Variants in OR3A2 observed in about 807,000 individuals in gnomAD.
OR3A2 encodes the protein olfactory receptor family 3 subfamily A member 2, also known as olfactory receptor 3A2.
For missense variants in OR3A2, 318 were observed against 392.8 expected (o/e 0.81, Z 1.61); for synonymous variants, 126 against 159.3 (o/e 0.79, Z 1.57).
At chr17:3,382,553 T>C (rs925580447) in intron 2 of OR3A2, among the ~76,000 whole-genome samples, 1 of 152,208 alleles carries the variant, frequency 6.6e-6, no homozygotes, top group Non-Finnish European at 1.5e-5. Flanking sequence ...AAACCCAACA[T>C]TTCTCTGCTA....
At chr17:3,352,798 T>G (rs2049431209) in intron 2 of OR3A2, among the ~76,000 whole-genome samples, 1 of 151,976 alleles carries the variant, frequency 6.6e-6, no homozygotes, top group Non-Finnish European at 1.5e-5. Context: ...TCATTGGTAT[T>G]TTGATAAGGA....
intron 3 of OR3A2, among the ~76,000 whole-genome samples, chr17:3,325,560 G>T (rs574672496): frequency 1.3e-5 from 2 of 151,988 alleles, no homozygotes; most frequent in African/African-American, 4.8e-5. Context: ...AATGTATATA[G>T]ATATATATAC....
At chr17:3,381,540 T>C (rs979546894) in intron 2 of OR3A2, among the ~76,000 whole-genome samples, 1 of 152,208 alleles carries the variant, frequency 6.6e-6, no homozygotes, top group Middle Eastern at 3.4e-3. Context: ...TATCTCCCCA[T>C]CGCCTGAAGT....
At chr17:3,278,833 C>T in exon 2 of OR3A2, 1 of 1,535,290 alleles carries the variant, frequency 6.5e-7, no homozygotes, top group Non-Finnish European at 8.8e-7. Context: ...ACAAAGACAA[C>T]TGGCTGCATC....
rs181721138 is a variant in OR3A2 at position 3,309,453 on chromosome 17, G to C, written c.-85+26580C>G. Among the ~76,000 whole-genome samples, 4 of 152,246 alleles carry C rather than the reference G, an allele frequency of 2.6e-5. No homozygotes were observed. The East Asian group carries it at 7.7e-4, about 29-fold the overall frequency. The stretch of plus-strand genomic sequence containing the variant: ...TGCTTACCTAAGACTCTATTTGTGT[G>C]AGAGTTCACCTGTATATTCAATGAA... On this transcript the variant is annotated intron_variant, in intron 3 of 4. Transcript: ENST00000573491.
exon 2 of OR3A2, chr17:3,277,472 C>T (rs1381292180): frequency 6.4e-6 from 1 of 156,094 alleles, no homozygotes; most frequent in Non-Finnish European, 1.4e-5. Context: ...CTTTTGGTCA[C>T]TTAGGCTGTG....
At chr17:3,341,111 T>C (rs1344120677) in intron 2 of OR3A2, among the ~76,000 whole-genome samples, 1 of 152,196 alleles carries the variant, frequency 6.6e-6, no homozygotes, top group Non-Finnish European at 1.5e-5. Context: ...TTGCTTTCCA[T>C]TTGCTTGGTA....
At chr17:3,365,076 G>C (rs1457785303) in intron 2 of OR3A2, among the ~76,000 whole-genome samples, 2 of 152,120 alleles carry the variant, frequency 1.3e-5, no homozygotes, top group Admixed American at 6.6e-5. Flanking sequence ...GTAAGACAAT[G>C]GCTCCTTTGA....
intron 1 of OR3A2, among the ~76,000 whole-genome samples, chr17:3,279,748 A>T (rs903675511): frequency 1.3e-5 from 2 of 152,210 alleles, no homozygotes; most frequent in Non-Finnish European, 2.9e-5. Flanking sequence ...AGACTGCACC[A>T]TTGTACTCCA....
Position 3,300,572 on chromosome 17 carries a change from T to TA in OR3A2, c.-84-21420dup, listed in dbSNP as rs1567547354. On this transcript the variant is annotated intron_variant, in intron 3 of 4. Transcript: ENST00000573491. ...AGAATCGGTCTCAAAATAAATAAAT[T>TA]AATTAATTAATTAAATAAAATCACA... 1.6e-4 allele frequency among the ~76,000 whole-genome samples: 25 copies of TA among 151,854 alleles called. No individual in the cohort carries two copies. In the East Asian group the frequency reaches 4.6e-3, roughly 28 times the overall value.
At chr17:3,282,569 G>C (rs1385505948) in intron 1 of OR3A2, among the ~76,000 whole-genome samples, 2 of 152,198 alleles carry the variant, frequency 1.3e-5, no homozygotes, top group Non-Finnish European at 2.9e-5. Flanking sequence ...TCAGGCCACG[G>C]GGAAGCTGCA....
chr17:3,321,518 G>T (rs1418824035), intron 3 of OR3A2, among the ~76,000 whole-genome samples: 5 of 151,962 alleles, frequency 3.3e-5, no homozygotes, highest in African/African-American at 1.2e-4. Context: ...CTGTGGGTTT[G>T]TCATAGATAG....
intron 1 of OR3A2, among the ~76,000 whole-genome samples, chr17:3,280,139 C>T (rs1404773029): frequency 6.6e-6 from 1 of 152,220 alleles, no homozygotes; most frequent in Non-Finnish European, 1.5e-5. Flanking sequence ...GGTGCAGTTA[C>T]ATTCTGCATT....
At chr17:3,350,883 G>T (rs1405709682) in intron 2 of OR3A2, among the ~76,000 whole-genome samples, 1 of 147,792 alleles carries the variant, frequency 6.8e-6, no homozygotes, top group East Asian at 2.0e-4. Flanking sequence ...TTCAATATAT[G>T]CAAATCAATA....
At position 3,300,573 on chromosome 17, in the gene OR3A2, AATT is replaced by A. The variant is rs1597326866; in HGVS notation, c.-84-21423_-84-21421del. On this transcript the variant is annotated intron_variant, in intron 3 of 4. Transcript: ENST00000573491. ...GAATCGGTCTCAAAATAAATAAATT[AATT>A]AATTAATTAAATAAAATCACAATAG... 6.6e-5 allele frequency among the ~76,000 whole-genome samples: 10 copies of A among 152,166 alleles called. No individual in the cohort carries two copies. The East Asian group carries it at 1.5e-3, about 24-fold the overall frequency.
upstream of OR3A2, among the ~76,000 whole-genome samples, chr17:3,284,772 G>C (rs1261602040): frequency 1.4e-5 from 2 of 142,760 alleles, no homozygotes; most frequent in Admixed American, 1.4e-4. Context: ...TGTCCTCAAA[G>C]TCCCCCAGGA....
At chr17:3,330,915 C>A (rs1311035195) in intron 3 of OR3A2, among the ~76,000 whole-genome samples, 1 of 151,818 alleles carries the variant, frequency 6.6e-6, no homozygotes, top group Non-Finnish European at 1.5e-5. Flanking sequence ...CTGGTGGTGA[C>A]AAAATCTCTC....
At chr17:3,297,286 A>T (rs2048926591) in intron 3 of OR3A2, among the ~76,000 whole-genome samples, 1 of 152,230 alleles carries the variant, frequency 6.6e-6, no homozygotes. Context: ...GAATTGACAT[A>T]TCTATAGGAG....
At chr17:3,315,073 T>C (rs2049070701) in intron 3 of OR3A2, among the ~76,000 whole-genome samples, 1 of 152,252 alleles carries the variant, frequency 6.6e-6, no homozygotes, top group Admixed American at 6.5e-5. Context: ...ACATTTTCCT[T>C]ATCCAGCTCA....
Sources: gnomAD v4.1 joint callset for allele counts (sites outside exome capture counted in the v4.1 genomes callset) on GRCh38, gnomAD v4.1.1 for gene constraint, MANE v1.5 for transcripts, NCBI Gene and HGNC (gene_info 2026-07-23, HGNC 2026-07-21) for gene names.